The following STARD13 variants were observed in gnomAD, a reference collection of about 807,000 sequenced individuals.
STARD13 encodes StAR related lipid transfer domain containing 13.
In STARD13, 62 loss-of-function variants were observed where a neutral mutation model predicts 106.4. The observed-to-expected ratio is 0.58, with a 90% CI of 0.48 to 0.72. The LOEUF (loss-of-function observed/expected upper bound fraction) is 0.72. Among genes scored for constraint, STARD13 ranks in the 30% least tolerant of loss-of-function variants. STARD13 has a pLI of 0.00. For missense variants in STARD13, 1,387 were observed against 1,424.0 expected (o/e 0.97, Z 0.42); for synonymous variants, 565 against 553.0 (o/e 1.02, Z -0.31).
the STARD13 span, among the ~76,000 whole-genome samples, chr13:33,639,949 C>A: frequency 1.6e-4 from 24 of 152,274 alleles, no homozygotes; most frequent in Middle Eastern, 3.4e-3. Flanking sequence ...TTGTACTTGT[C>A]AATGGGTTTT....
intron 3 of STARD13, among the ~76,000 whole-genome samples, chr13:33,159,888 T>C (rs1383733445): frequency 6.6e-6 from 1 of 152,182 alleles, no homozygotes; most frequent in African/African-American, 2.4e-5. Flanking sequence ...GACTAAATAT[T>C]GTTGAGATAT....
chr13:33,374,322 C>G, the STARD13 span, among the ~76,000 whole-genome samples: 1 of 151,972 alleles, frequency 6.6e-6, no homozygotes, highest in Non-Finnish European at 1.5e-5. Context: ...AAGTTTTAGT[C>G]TGGGATAATG....
At chr13:33,309,085 G>A (rs114375986) in intron 1 of STARD13, among the ~76,000 whole-genome samples, 6 of 152,268 alleles carry the variant, frequency 3.9e-5, no homozygotes, top group African/African-American at 1.4e-4. Context: ...CCTCAGATTA[G>A]CAATTCAGAT....
At chr13:33,554,630 G>A in the STARD13 span, among the ~76,000 whole-genome samples, 1 of 152,036 alleles carries the variant, frequency 6.6e-6, no homozygotes, top group Non-Finnish European at 1.5e-5. Context: ...TATTTTTTAC[G>A]TGTTATAAAT....
At chr13:33,389,847 G>A in the STARD13 span, among the ~76,000 whole-genome samples, 5 of 152,128 alleles carry the variant, frequency 3.3e-5, no homozygotes, top group South Asian at 8.3e-4. Flanking sequence ...TGCTTAGGAA[G>A]CAAGAATATC....
the STARD13 span, among the ~76,000 whole-genome samples, chr13:33,461,725 T>C: frequency 2.6e-5 from 4 of 152,200 alleles, no homozygotes; most frequent in African/African-American, 7.2e-5. Context: ...AGAGATGATA[T>C]ATATGAATTT....
At chr13:33,351,854 G>A (rs2078082099), upstream of STARD13, among the ~76,000 whole-genome samples, 1 of 152,086 alleles carries the variant, frequency 6.6e-6, no homozygotes, top group South Asian at 2.1e-4. Context: ...ACTGACTTAG[G>A]GAATGCAAAC....
chr13:33,309,559 G>A (rs1893054107), intron 1 of STARD13, among the ~76,000 whole-genome samples: 1 of 152,182 alleles, frequency 6.6e-6, no homozygotes, highest in African/African-American at 2.4e-5. Flanking sequence ...TTGCAAGGAG[G>A]AGAGAGGAGA....
In STARD13 at chr13:33,130,282, TC is replaced by T; in HGVS notation, c.394del (p.Asp132ThrfsTer46). On this transcript the variant is annotated frameshift_variant, in exon 5 of 14. Coordinates refer to ENST00000336934, the MANE Select transcript of STARD13 (RefSeq NM_178006.4). LOFTEE classifies it high-confidence loss of function. This position sits in a 1 kb window ranked among gnomAD's most constrained non-coding sequence, Gnocchi z 4.1. ...GATACAAAGATCTTCCTCATCGGAG[TC>T]GTCACCCTGCAGAGCACCAAGGAAA... ...DVNFQRKKGD[D>X]SDEEDLCISN... The T allele has an allele frequency of 1.2e-6, 2 of 1,600,076 alleles. No homozygotes were observed. Among genetic ancestry groups the T allele is most frequent in the Non-Finnish European group, 1.7e-6 (2 of 1,179,326 alleles).
chr13:33,203,606 T>A (rs563769393), intron 1 of STARD13, among the ~76,000 whole-genome samples: 10 of 152,324 alleles, frequency 6.6e-5, no homozygotes, highest in Non-Finnish European at 1.5e-5. Context: ...CCCTATTTTT[T>A]AAAGTTCAAC....
chr13:33,398,937 C>A, the STARD13 span, among the ~76,000 whole-genome samples: 1 of 152,100 alleles, frequency 6.6e-6, no homozygotes, highest in African/African-American at 2.4e-5. Context: ...CATACAAAGG[C>A]CTTCATGTGA....
the STARD13 span, among the ~76,000 whole-genome samples, chr13:33,389,659 A>T: frequency 6.6e-6 from 1 of 152,174 alleles, no homozygotes; most frequent in African/African-American, 2.4e-5. Context: ...TTGTTCATTC[A>T]CATTTAATTA....
the STARD13 span, among the ~76,000 whole-genome samples, chr13:33,473,407 C>A: frequency 2.0e-5 from 3 of 152,208 alleles, no homozygotes; most frequent in African/African-American, 4.8e-5. Context: ...ATATGTGTTA[C>A]TGAAACACCA....
At chr13:33,202,492 C>T (rs996326101) in intron 1 of STARD13, among the ~76,000 whole-genome samples, 8 of 152,206 alleles carry the variant, frequency 5.3e-5, no homozygotes, top group African/African-American at 1.9e-4. Flanking sequence ...ACATAAGAAA[C>T]TACAGCGAGC....
At chr13:33,605,241 A>G in the STARD13 span, among the ~76,000 whole-genome samples, 7 of 149,016 alleles carry the variant, frequency 4.7e-5, no homozygotes, top group African/African-American at 1.7e-4. Context: ...CCTGTCTCAA[A>G]AAAAAAAAAA....
At chr13:33,436,413 A>G in the STARD13 span, among the ~76,000 whole-genome samples, 3 of 152,240 alleles carry the variant, frequency 2.0e-5, no homozygotes, top group Non-Finnish European at 2.9e-5. Context: ...GATAATACAT[A>G]CAATGAAAAG....
intron 1 of STARD13, among the ~76,000 whole-genome samples, chr13:33,321,835 GA>G (rs1403311437): frequency 6.6e-6 from 1 of 152,274 alleles, no homozygotes; most frequent in East Asian, 1.9e-4. Context: ...TTGCTCATAG[GA>G]GTTTTTCTTC....
rs924298584 is a variant in STARD13, at chr13:33,267,185, G to C, written c.169+18285C>G. ...CAGCACACTTTCACAAAAGGGAGAG[G>C]GTTCCCTGTTCCCAGACTGGACCAC... On this transcript the variant is annotated intron_variant, in intron 1 of 13. Coordinates refer to ENST00000336934, the MANE Select transcript of STARD13 (RefSeq NM_178006.4). Among the ~76,000 whole-genome samples the C allele has an allele frequency of 1.5e-4, 23 of 152,068 alleles. 1 individual carries two copies. Among genetic ancestry groups the C allele is most frequent in the Admixed American group, 5.2e-4 (8 of 15,272 alleles).
rs1457721077 is a variant in STARD13, at chr13:33,127,414, G to A, written c.1881C>T (p.Ile627=). The stretch of plus-strand genomic sequence containing the variant: ...TGTTGGACATGGAGTGCTTCTCCAT[G>A]ATGGCCGTGAGGCGGAGCAGTGAGA... ...QRFSLLRLTA[I]MEKHSMSNKH... is the part of the protein sequence containing the mutation. The change falls in exon 6 of 14, where the codon ATC becomes ATT. Residue 627 remains isoleucine, a synonymous_variant. Transcript: ENST00000336934. 3.7e-6 allele frequency: 6 copies of A among 1,605,140 alleles called. 1 individual carries two copies. In the South Asian group the frequency reaches 6.6e-5, roughly 18 times the overall value.
Sources: allele counts gnomAD v4.1 joint callset (sites outside exome capture counted in the v4.1 genomes callset), GRCh38; gene constraint gnomAD v4.1.1; non-coding constraint Gnocchi (gnomAD v3.1); transcripts MANE v1.5; gene names NCBI Gene and HGNC (gene_info 2026-07-23, HGNC 2026-07-21).